The following DCC variants were observed in gnomAD, a reference collection of about 807,000 sequenced individuals.
DCC encodes the protein DCC netrin 1 receptor.
Under a neutral mutation model 172.5 loss-of-function variants are expected in DCC, and 58 were observed. The ratio of observed to expected loss-of-function variants is 0.34; its 90% confidence interval spans 0.27 to 0.42. The LOEUF (loss-of-function observed/expected upper bound fraction) is 0.42, where lower values mean the gene tolerates loss of function less well. Among genes scored for constraint, DCC ranks in the 10% least tolerant of loss-of-function variants. DCC has a pLI of 1.00. For synonymous variants in DCC, 709 were observed against 644.5 expected, an observed-to-expected ratio of 1.10 and a Z score of -1.52; for missense variants, 1,740 against 1,791.0, an observed-to-expected ratio of 0.97 and a Z score of 0.51.
chr18:53,181,465 T>C (rs887033742), intron 9 of DCC, among the ~76,000 whole-genome samples: 8 of 151,652 alleles, frequency 5.3e-5, no homozygotes, highest in Non-Finnish European at 8.8e-5. Context: ...AGTAAAGTAT[T>C]TTCGTTTTTG....
intron 2 of DCC, among the ~76,000 whole-genome samples, chr18:52,810,091 AT>A (rs1171677773): frequency 2.7e-5 from 4 of 147,226 alleles, no homozygotes; most frequent in African/African-American, 1.1e-4. Flanking sequence ...AAAAAAAAAT[AT>A]ATTCTCAAAA....
chr18:53,102,676 C>T (rs553744110), intron 7 of DCC, among the ~76,000 whole-genome samples: 21 of 152,202 alleles, frequency 1.4e-4, no homozygotes, highest in African/African-American at 4.6e-4. Flanking sequence ...TATGGGCATA[C>T]GGGCACCAGA....
At chr18:52,665,844 C>T (rs1850644025) in intron 1 of DCC, among the ~76,000 whole-genome samples, 1 of 152,062 alleles carries the variant, frequency 6.6e-6, no homozygotes, top group Admixed American at 6.5e-5. Flanking sequence ...TTTAGGATGC[C>T]TGAATTATCA....
intron 1 of DCC, among the ~76,000 whole-genome samples, chr18:52,624,815 G>C (rs549992210): frequency 6.6e-6 from 1 of 152,136 alleles, no homozygotes; most frequent in Non-Finnish European, 1.5e-5. Context: ...CAAGACACTC[G>C]TGGTTTAAAA....
intron 1 of DCC, among the ~76,000 whole-genome samples, chr18:52,450,477 A>AATATC (rs1314806351): frequency 6.6e-6 from 1 of 152,210 alleles, no homozygotes; most frequent in African/African-American, 2.4e-5. Flanking sequence ...AATTATTCTC[A>AATATC]ATATCATTTT....
intron 17 of DCC, 98 bp downstream of exon 17, chr18:53,391,985 G>A: frequency 1.4e-6 from 1 of 739,248 alleles, no homozygotes; most frequent in Non-Finnish European, 2.4e-6. Context: ...TCGTTTTGCT[G>A]CTGTGTATCT....
chr18:53,338,942 G>A (rs550702361), intron 14 of DCC, among the ~76,000 whole-genome samples: 2 of 152,310 alleles, frequency 1.3e-5, no homozygotes, highest in East Asian at 3.9e-4. Flanking sequence ...CTCACAGACA[G>A]TGAGTATACA....
At chr18:53,257,651 G>A (rs1325532129) in intron 12 of DCC, among the ~76,000 whole-genome samples, 2 of 151,954 alleles carry the variant, frequency 1.3e-5, no homozygotes, top group Non-Finnish European at 2.9e-5. Flanking sequence ...TGTTCATCAG[G>A]GATATTGGTC....
At chr18:53,523,210 C>A (rs563789072) in intron 27 of DCC, among the ~76,000 whole-genome samples, 1 of 151,990 alleles carries the variant, frequency 6.6e-6, no homozygotes, top group Non-Finnish European at 1.5e-5. Flanking sequence ...AAAATCACCA[C>A]GAGATACCAT....
At chr18:52,609,261 G>C (rs1163830411) in intron 1 of DCC, among the ~76,000 whole-genome samples, 2 of 152,130 alleles carry the variant, frequency 1.3e-5, no homozygotes. Context: ...CGATCAGAGA[G>C]TGAAAGGCGA....
intron 23 of DCC, among the ~76,000 whole-genome samples, chr18:53,450,978 C>G (rs554338268): frequency 6.6e-6 from 1 of 152,170 alleles, no homozygotes; most frequent in Non-Finnish European, 1.5e-5. Context: ...CACCATGCCC[C>G]TGTTTCTGGC....
intron 5 of DCC, among the ~76,000 whole-genome samples, chr18:52,941,962 T>C (rs552638921): frequency 2.0e-5 from 3 of 152,162 alleles, no homozygotes; most frequent in African/African-American, 7.2e-5. Flanking sequence ...TTTGTATTTT[T>C]AGTAGAGACA....
intron 1 of DCC, among the ~76,000 whole-genome samples, chr18:52,672,567 AAAT>A (rs1481144624): frequency 6.6e-6 from 1 of 150,890 alleles, no homozygotes; most frequent in African/African-American, 2.4e-5. Flanking sequence ...TCTTCCTTCC[AAAT>A]ATCCCTCCCT....
At chr18:53,303,206 C>A (rs191349638) in intron 12 of DCC, among the ~76,000 whole-genome samples, 1 of 152,102 alleles carries the variant, frequency 6.6e-6, no homozygotes, top group Non-Finnish European at 1.5e-5. Flanking sequence ...TCTTTTAATT[C>A]ATCTTCCAAC....
intron 2 of DCC, among the ~76,000 whole-genome samples, chr18:52,856,625 CAAAAA>C (rs11426617): frequency 2.4e-5 from 2 of 83,006 alleles, no homozygotes; most frequent in South Asian, 5.8e-4. Context: ...GACTCCATCT[CAAAAA>C]AAAAAAAAAA....
At chr18:53,290,242 C>T (rs890390789) in intron 12 of DCC, among the ~76,000 whole-genome samples, 1 of 152,098 alleles carries the variant, frequency 6.6e-6, no homozygotes, top group Non-Finnish European at 1.5e-5. Context: ...TGTTAGGATG[C>T]CTGAAGTCTT....
intron 2 of DCC, among the ~76,000 whole-genome samples, chr18:52,755,635 G>A (rs2037065631): frequency 6.6e-6 from 1 of 152,100 alleles, no homozygotes; most frequent in East Asian, 1.9e-4. Context: ...AAAGACCATG[G>A]ACCTGATTTA....
At chr18:52,992,116 T>G (rs1757429562) in intron 5 of DCC, among the ~76,000 whole-genome samples, 3 of 152,200 alleles carry the variant, frequency 2.0e-5, no homozygotes, top group Admixed American at 1.3e-4. Flanking sequence ...GCTCCCCGCC[T>G]TGTCCGCCCT....
At chr18:52,943,743 T>TG (rs2040499039) in intron 5 of DCC, among the ~76,000 whole-genome samples, 1 of 80,908 alleles carries the variant, frequency 1.2e-5, no homozygotes, top group African/African-American at 3.9e-5. Context: ...TTATGGTTTT[T>TG]TTTTTTGTTT....
Sources: gnomAD v4.1 joint callset for allele counts (sites outside exome capture counted in the v4.1 genomes callset) on GRCh38, gnomAD v4.1.1 for gene constraint, MANE v1.5 for transcripts, NCBI Gene and HGNC (gene_info 2026-07-23, HGNC 2026-07-21) for gene names.